Variants in KIRREL3 observed in about 807,000 individuals in gnomAD.
KIRREL3 encodes kirre like nephrin family adhesion molecule 3.
A neutral mutation model predicts 89.7 loss-of-function variants in KIRREL3; 36 were observed. That is an observed-to-expected ratio of 0.40 (90% CI 0.31 to 0.53). The LOEUF is 0.53. Among genes scored for constraint, KIRREL3 ranks in the 20% least tolerant of loss-of-function variants. KIRREL3 has a pLI of 0.49. For synonymous variants in KIRREL3, 445 were observed against 441.4 expected, an observed-to-expected ratio of 1.01 and a Z score of -0.10; for missense variants, 864 against 1,056.6, an observed-to-expected ratio of 0.82 and a Z score of 2.53.
intron 1 of KIRREL3, among the ~76,000 whole-genome samples, chr11:126,927,230 A>G (rs535080425): frequency 2.1e-3 from 51 of 24,256 alleles, no homozygotes; most frequent in African/African-American, 0.016. Flanking sequence ...GGGAGTAAGC[A>G]CACACACACA....
In KIRREL3 at chr11:126,702,302, A is replaced by G. The variant is rs1322271852; in HGVS notation, c.56-139390T>C. Reference sequence around the variant, plus strand: ...GTATATTACAAGGTTGTACTGAAAAACAAATGAAAGAAAGCAATCTTTCCT... The same window carrying G: ...GTATATTACAAGGTTGTACTGAAAAGCAAATGAAAGAAAGCAATCTTTCCT... On this transcript the variant is annotated intron_variant, in intron 1 of 16. Transcript: ENST00000525144. Among the ~76,000 whole-genome samples the G allele has an allele frequency of 5.3e-5, 8 of 152,354 alleles. No individual in the cohort carries two copies. The East Asian group carries it at 1.5e-3, about 29-fold the overall frequency.
chr11:126,667,127 G>T (rs915633534), intron 1 of KIRREL3, among the ~76,000 whole-genome samples: 1 of 152,198 alleles, frequency 6.6e-6, no homozygotes, highest in Non-Finnish European at 1.5e-5. Flanking sequence ...GGAGGACAAA[G>T]CATCTCAGTA....
At position 126,495,320 on chromosome 11, in the gene KIRREL3, C is replaced by T. The variant is rs1464962022; in HGVS notation, c.434-21854G>A. On this transcript the variant is annotated intron_variant, in intron 4 of 16. Transcript: ENST00000525144. This position sits in a 1 kb window ranked among gnomAD's most constrained non-coding sequence, Gnocchi z 6.5. Reference sequence around the variant, plus strand: ...CGGGCCCTCTGTACCCTGGCCCAAGCCTCTCTTGCCCTCTGAGCCCCAGAG... The same window carrying T: ...CGGGCCCTCTGTACCCTGGCCCAAGTCTCTCTTGCCCTCTGAGCCCCAGAG... Among the ~76,000 whole-genome samples the T allele has an allele frequency of 6.6e-6, 1 of 152,168 alleles. No homozygotes were observed. The highest frequency in any genetic ancestry group is 1.5e-5 in the Non-Finnish European group (1 of 68,040).
chr11:126,907,090 C>T (rs1946618723), intron 1 of KIRREL3, among the ~76,000 whole-genome samples: 2 of 152,138 alleles, frequency 1.3e-5, no homozygotes. Flanking sequence ...TAAAGGATCC[C>T]AGTGGTACCA....
chr11:126,598,729 C>T (rs1203086589), intron 1 of KIRREL3, among the ~76,000 whole-genome samples: 1 of 152,226 alleles, frequency 6.6e-6, no homozygotes, highest in Non-Finnish European at 1.5e-5. Context: ...AACTGATACA[C>T]ATTGATTGCC....
In KIRREL3 at chr11:126,723,512, C is replaced by T. The variant is rs1948260629; in HGVS notation, c.56-160600G>A. Among the ~76,000 whole-genome samples the T allele has an allele frequency of 6.6e-6, 1 of 152,346 alleles. No homozygotes were observed. Among genetic ancestry groups the T allele is most frequent in the Non-Finnish European group, 1.5e-5 (1 of 68,036 alleles). ...ATTAAGCAGCTGGTGCCAACATTTA[C>T]CTCACACCTCCCTTAGTAGGCAAGA... is the stretch of plus-strand genomic sequence containing the variant. On this transcript the variant is annotated intron_variant, in intron 1 of 16. Transcript: ENST00000525144. This position sits in a 1 kb window ranked among gnomAD's most constrained non-coding sequence, Gnocchi z 4.0.
chr11:126,640,376 A>G lies in KIRREL3; in HGVS notation c.56-77464T>C, dbSNP rs4935980. Among the ~76,000 whole-genome samples the G allele has an allele frequency of 0.2, 30,528 of 151,988 alleles. 3,207 individuals carry two copies. The highest frequency in any genetic ancestry group is 0.4 in the East Asian group (2,044 of 5,134). On this transcript the variant is annotated intron_variant, in intron 1 of 16. Coordinates refer to ENST00000525144, the MANE Select transcript of KIRREL3 (RefSeq NM_032531.4). The surrounding 1 kb of genome is among the most constrained non-coding windows in gnomAD (Gnocchi z 4.9). ...CGTGTGCGCGCGCACACACACGCAC[A>G]CGCGCACACACAGAATTAAAAGGCA...
At chr11:127,000,772 G>C (rs1346317182), upstream of KIRREL3, 1 of 496,248 alleles carries the variant, frequency 2.0e-6, no homozygotes. This position sits in a 1 kb window ranked among gnomAD's most constrained non-coding sequence, Gnocchi z 7.1. Flanking sequence ...CCATTCTCTG[G>C]CTCTTGGCAT....
intron 1 of KIRREL3, among the ~76,000 whole-genome samples, chr11:126,753,209 T>G (rs763669353): frequency 1.3e-5 from 2 of 152,184 alleles, no homozygotes; most frequent in African/African-American, 2.4e-5. Context: ...GTTTGCCCGC[T>G]CCTTACACCA....
chr11:126,478,621 ATGTGTGTATGCG>A (rs1157696069), intron 4 of KIRREL3, among the ~76,000 whole-genome samples: 2 of 149,632 alleles, frequency 1.3e-5, no homozygotes, highest in African/African-American at 5.0e-5. Context: ...ATATGTGTGT[ATGTGTGTATGCG>A]TGTGTATGTG....
In KIRREL3 at chr11:126,553,059, C is replaced by T. The variant is rs1289870817; in HGVS notation, c.133+9776G>A. On this transcript the variant is annotated intron_variant, in intron 2 of 16. Transcript: ENST00000525144. The surrounding 1 kb of genome is among the most constrained non-coding windows in gnomAD (Gnocchi z 4.7). ...CACTCATGGTGTGTGTGAGCACACT[C>T]GTGAAGGCGTGCAAGCCAGCCCTTC... 2.6e-5 allele frequency among the ~76,000 whole-genome samples: 4 copies of T among 152,160 alleles called. No homozygotes were observed. The highest frequency in any genetic ancestry group is 2.1e-4 in the South Asian group (1 of 4,830).
At chr11:126,573,252 G>T (rs2134634874) in intron 1 of KIRREL3, among the ~76,000 whole-genome samples, 1 of 152,342 alleles carries the variant, frequency 6.6e-6, no homozygotes, top group African/African-American at 2.4e-5. Context: ...ACCCAGGAAT[G>T]CTGCGCACCT....
chr11:126,718,808 C>T (rs368300689), intron 1 of KIRREL3, among the ~76,000 whole-genome samples: 1 of 152,118 alleles, frequency 6.6e-6, no homozygotes, highest in South Asian at 2.1e-4. Flanking sequence ...TAGGGTCACA[C>T]CACCCCGGCC....
rs982216527 is a variant in KIRREL3, at chr11:126,429,443, C to A, written c.1697-155G>T. Among the ~76,000 whole-genome samples, 11 of 152,188 alleles carry A rather than the reference C, an allele frequency of 7.2e-5. No homozygotes were observed. The highest frequency in any genetic ancestry group is 2.4e-4 in the African/African-American group (10 of 41,444). ...CTTCACCAGCCCCCCACCAATAGAA[C>A]CTCCATATGGAGATGCTGTGGGTGT... is the stretch of plus-strand genomic sequence containing the variant. On this transcript the variant is annotated intron_variant, in intron 14 of 16. Transcript: ENST00000525144. This position sits in a 1 kb window ranked among gnomAD's most constrained non-coding sequence, Gnocchi z 5.2.
intron 1 of KIRREL3, among the ~76,000 whole-genome samples, chr11:126,880,702 A>G (rs1234422203): frequency 6.6e-6 from 1 of 151,428 alleles, no homozygotes; most frequent in Non-Finnish European, 1.5e-5. Flanking sequence ...AGCATTAAAT[A>G]ACTATTATGC....
In KIRREL3 at chr11:126,903,992, T is replaced by A. The variant is rs900895824; in HGVS notation, c.55+96463A>T. On this transcript the variant is annotated intron_variant, in intron 1 of 16. Coordinates refer to ENST00000525144, the MANE Select transcript of KIRREL3 (RefSeq NM_032531.4). This position sits in a 1 kb window ranked among gnomAD's most constrained non-coding sequence, Gnocchi z 4.5. ...AGGTGACCCTATAATAGCTATCCCCTTGGTAGATAGCACATCTCAACTCTG... is the reference window on the plus strand; with the variant it reads ...AGGTGACCCTATAATAGCTATCCCCATGGTAGATAGCACATCTCAACTCTG... 6.6e-6 allele frequency among the ~76,000 whole-genome samples: 1 copy of A among 152,102 alleles called. No homozygotes were observed. The highest frequency in any genetic ancestry group is 2.4e-5 in the African/African-American group (1 of 41,410).
At chr11:126,584,560 AG>A (rs1941724558) in intron 1 of KIRREL3, among the ~76,000 whole-genome samples, 1 of 152,240 alleles carries the variant, frequency 6.6e-6, no homozygotes, top group Non-Finnish European at 1.5e-5. Flanking sequence ...AGGCAGGCAG[AG>A]GGGAGCAAAG....
chr11:126,883,403 CTCTA>C lies in KIRREL3; in HGVS notation c.55+117048_55+117051del, dbSNP rs1360175321. ...TGTCACCTCTCTCTCCTGCATCCCT[CTCTA>C]TCTATGTTCCAGGCACACGGGACTT... is the stretch of plus-strand genomic sequence containing the variant. On this transcript the variant is annotated intron_variant, in intron 1 of 16. Coordinates refer to ENST00000525144, the MANE Select transcript of KIRREL3 (RefSeq NM_032531.4). This position sits in a 1 kb window ranked among gnomAD's most constrained non-coding sequence, Gnocchi z 4.1. Among the ~76,000 whole-genome samples, 1 of 152,190 alleles carries C rather than the reference CTCTA, an allele frequency of 6.6e-6. No homozygotes were observed. The highest frequency in any genetic ancestry group is 2.4e-5 in the African/African-American group (1 of 41,452).
In KIRREL3 at chr11:126,876,214, G is replaced by A. The variant is rs1461520125; in HGVS notation, c.55+124241C>T. Among the ~76,000 whole-genome samples, 1 of 152,232 alleles carries A rather than the reference G, an allele frequency of 6.6e-6. No homozygotes were observed. Among genetic ancestry groups the A allele is most frequent in the East Asian group, 1.9e-4 (1 of 5,200 alleles). ...TTCTCTCAAGAATAAGCATTGGCAA[G>A]TTCTTTTCATGGACCAAGATTTGCT... On this transcript the variant is annotated intron_variant, in intron 1 of 16. Transcript: ENST00000525144. This position sits in a 1 kb window ranked among gnomAD's most constrained non-coding sequence, Gnocchi z 4.1.
Sources: allele counts gnomAD v4.1 joint callset (sites outside exome capture counted in the v4.1 genomes callset), GRCh38; gene constraint gnomAD v4.1.1; non-coding constraint Gnocchi (gnomAD v3.1); transcripts MANE v1.5; gene names NCBI Gene and HGNC (gene_info 2026-07-23, HGNC 2026-07-21).